The following INF2 variants were observed in gnomAD, a reference collection of about 807,000 sequenced individuals.
INF2 encodes the protein inverted formin-2.
INF2 carries 43 observed loss-of-function variants against 123.5 expected under a neutral mutation model. That is an observed-to-expected ratio of 0.35 (90% CI 0.27 to 0.45). The LOEUF (loss-of-function observed/expected upper bound fraction) is 0.45, where lower values mean the gene tolerates loss of function less well. INF2 is among the 20% of genes least tolerant of loss of function. INF2 has a pLI of 1.00. For synonymous variants in INF2, 851 were observed against 745.0 expected, an observed-to-expected ratio of 1.14 and a Z score of -2.32; for missense variants, 1,453 against 1,682.7, an observed-to-expected ratio of 0.86 and a Z score of 2.39.
chr14:104,704,210 C>G (rs1000152681), intron 5 of INF2: 1 of 1,404,120 alleles, frequency 7.1e-7, no homozygotes, highest in Non-Finnish European at 9.3e-7. Flanking sequence ...CCTTTGCACA[C>G]CGTGGATGGA....
At chr14:104,710,838 G>C in intron 13 of INF2, 99 bp from the exon 14 acceptor site, 1 of 1,008,400 alleles carries the variant, frequency 9.9e-7, no homozygotes, top group East Asian at 2.6e-5. Context: ...GAGGAGCCAG[G>C]GAGTGCAGGG....
chr14:104,687,805 C>T (rs1238028958), upstream of INF2, among the ~76,000 whole-genome samples: 1 of 152,184 alleles, frequency 6.6e-6, no homozygotes, highest in African/African-American at 2.4e-5. This position sits in a 1 kb window ranked among gnomAD's most constrained non-coding sequence, Gnocchi z 5.6. Context: ...CTCTGACTTT[C>T]CCCCAGGCAG....
chr14:104,709,402 C>A lies in INF2; in HGVS notation c.2052+19C>A. On this transcript the variant is annotated intron_variant, in intron 11 of 22. Coordinates refer to ENST00000392634, the MANE Select transcript of INF2 (RefSeq NM_022489.4). ...GCACGAGGTAAGAGGACCACCCCCA[C>A]ACCCCACCCCCAGTTAGTGCCACCA... 1 of 1,576,548 alleles carries A rather than the reference C, an allele frequency of 6.3e-7. No homozygotes were observed. Among genetic ancestry groups the A allele is most frequent in the Non-Finnish European group, 8.7e-7 (1 of 1,147,034 alleles).
upstream of INF2, chr14:104,689,587 T>TCCAGC: frequency 1.3e-5 from 11 of 851,066 alleles, no homozygotes; most frequent in Non-Finnish European, 1.5e-5. Flanking sequence ...CACCTCCTCT[T>TCCAGC]CCTCCCGCCC....
At position 104,707,847 on chromosome 14, in the gene INF2, GC is replaced by G; in HGVS notation, c.1587del (p.Val530TrpfsTer28). On this transcript the variant is annotated frameshift_variant, in exon 8 of 23. Coordinates refer to ENST00000392634, the MANE Select transcript of INF2 (RefSeq NM_022489.4). LOFTEE classifies it high-confidence loss of function. ...PPPPLLPCTC[S>X]PPVAGGMEEV... ...CCTCCACTACTGCCCTGCACCTGCA[GC>G]CCCCCCGTGGCGGGAGGCATGGAGG... 6.2e-7 allele frequency: 1 copy of G among 1,600,434 alleles called. No individual in the cohort carries two copies.
Position 104,719,033 on chromosome 14 carries a change from C to T in INF2, c.*240C>T. 1 of 948,404 alleles carries T rather than the reference C, an allele frequency of 1.1e-6. No individual in the cohort carries two copies. The highest frequency in any genetic ancestry group is 1.5e-6 in the Non-Finnish European group (1 of 674,788). The allele number at this position is 948,404 out of a possible 1,614,324, so 58.7% of individuals were successfully genotyped here. Reference sequence around the variant, plus strand: ...TCCTGGACCGCCTGCACGTGCCAGCCTCCCACCTGCTTCCTAAAGGCAACC... The same window carrying T: ...TCCTGGACCGCCTGCACGTGCCAGCTTCCCACCTGCTTCCTAAAGGCAACC... On this transcript the variant is annotated 3_prime_UTR_variant, in exon 23 of 23. Transcript: ENST00000392634.
chr14:104,693,447 G>A (rs796656958), intron 1 of INF2, among the ~76,000 whole-genome samples: 11 of 152,326 alleles, frequency 7.2e-5, no homozygotes, highest in African/African-American at 2.4e-4. Flanking sequence ...TGCAGACGAG[G>A]GCTAGTGTCA....
Position 104,713,542 on chromosome 14 carries a change from C to G in INF2, c.2976C>G (p.Gly992=). Residue 992 remains glycine (G), a synonymous_variant, in exon 20 of 23, where the codon GGC becomes GGG. Transcript: ENST00000392634. ...KGFQLRKTAR[G]RGDTDGGSKA... is the part of the protein sequence containing the mutation. ...TCCAGCTGCGGAAGACAGCCCGGGG[C>G]CGCGGGGACACCGACGGGGGCAGCA... is the stretch of plus-strand genomic sequence containing the variant. The G allele has an allele frequency of 6.2e-7, 1 of 1,611,652 alleles. No homozygotes were observed. The highest frequency in any genetic ancestry group is 8.5e-7 in the Non-Finnish European group (1 of 1,179,456).
Position 104,707,439 on chromosome 14 carries a change from C to T in INF2, c.1172C>T (p.Ala391Val). 1 of 1,569,860 alleles carries T rather than the reference C, an allele frequency of 6.4e-7. No individual in the cohort carries two copies. Among genetic ancestry groups the T allele is most frequent in the Non-Finnish European group, 8.6e-7 (1 of 1,158,538 alleles). Residue 391 changes from alanine (A) to valine (V), a missense_variant, in exon 8 of 23, where the codon GCT becomes GTT. By Grantham distance (64) the Ala-to-Val change is moderately conservative. Coordinates refer to ENST00000392634, the MANE Select transcript of INF2 (RefSeq NM_022489.4). ...GTGGAGGGCCAGCAGCCAGCAGCAG[C>T]TGCTGCCTGCGAGCCCGTGGACCAC... ...PSVEGQQPAA[A>V]AACEPVDHAQ...
chr14:104,682,029 G>C (rs1480310161), intron 1 of INF2, among the ~76,000 whole-genome samples: 1 of 152,186 alleles, frequency 6.6e-6, no homozygotes, highest in Non-Finnish European at 1.5e-5. Flanking sequence ...CCCTGGGGTG[G>C]GGGTCCCAGA....
At position 104,715,295 on chromosome 14, in the gene INF2, G is replaced by A; in HGVS notation, c.3706G>A (p.Asp1236Asn). ...TTATTTGGAAGCAGAGGTTCCCCCTGATTCTGATGATAATAAAACAAAGAA... is the reference window on the plus strand; with the variant it reads ...TTATTTGGAAGCAGAGGTTCCCCCTAATTCTGATGATAATAAAACAAAGAA... Reference protein sequence around the residue: ...PSRSQEEVPPDSDDNKTKKLC... With the variant: ...PSRSQEEVPPNSDDNKTKKLC... The change falls in exon 22 of 23, where the codon GAT (aspartate) becomes AAT (asparagine). Residue 1236 changes from aspartate (D) to asparagine (N), a missense_variant. By Grantham distance (23) the Asp-to-Asn change is conservative. Transcript: ENST00000392634. The A allele has an allele frequency of 6.2e-7, 1 of 1,613,674 alleles. No individual in the cohort carries two copies.
In INF2 at chr14:104,710,062, C is replaced by T. The variant is rs376475680; in HGVS notation, c.2139-26C>T. 8.1e-5 allele frequency: 125 copies of T among 1,536,846 alleles called. 1 individual carries two copies. In the African/African-American group the frequency reaches 1.4e-3, roughly 17 times the overall value. On this transcript the variant is annotated intron_variant, in intron 12 of 22. Coordinates refer to ENST00000392634, the MANE Select transcript of INF2 (RefSeq NM_022489.4). ...AGGGACAGGTGGGGGGTGCAGGCCA[C>T]TGATCCCTGTCTGTGCCATCCCCAG...
intron 18 of INF2, 49 bp downstream of exon 18, chr14:104,713,041 GAGGCCCCT>G (rs1426981102): frequency 1.2e-6 from 2 of 1,609,900 alleles, no homozygotes; most frequent in Non-Finnish European, 1.7e-6. Flanking sequence ...GTGGGGTCCC[GAGGCCCCT>G]GGCCTTCCTC....
At chr14:104,681,283 T>C (rs1490419313) in exon 1 of INF2, 1 of 380,296 alleles carries the variant, frequency 2.6e-6, no homozygotes, top group African/African-American at 2.1e-5. Context: ...CAATGCCCCA[T>C]GCTCACTGAA....
upstream of INF2, among the ~76,000 whole-genome samples, chr14:104,687,433 C>T (rs1888690689): frequency 6.6e-6 from 1 of 151,876 alleles, no homozygotes; most frequent in South Asian, 2.1e-4. The surrounding 1 kb of genome is among the most constrained non-coding windows in gnomAD (Gnocchi z 5.6). Flanking sequence ...TTTCCACCCT[C>T]CCAGACCTCT....
At position 104,701,772 on chromosome 14, in the gene INF2, G is replaced by A. The variant is rs1337851425; in HGVS notation, c.391+16G>A. ...CTCTCCCAGGGTGAGCCGCAGTGTG[G>A]GAGGGCCGCCCAGGCGGACGCTGGG... is the stretch of plus-strand genomic sequence containing the variant. On this transcript the variant is annotated intron_variant, in intron 2 of 22. Transcript: ENST00000392634. 6.8e-7 allele frequency: 1 copy of A among 1,479,294 alleles called. No homozygotes were observed. The highest frequency in any genetic ancestry group is 2.3e-5 in the Admixed American group (1 of 42,768). The allele number at this position is 1,479,294 out of a possible 1,614,324, so 91.6% of individuals were successfully genotyped here.
rs757174695 is a variant in INF2 at position 104,711,712 on chromosome 14, T to C, written c.2489+13T>C. ...CGCAAGCAGCAGGGTAGGTAGCTCCTGCCAGCCCGCCCACCTCAGCCAGGT... is the reference window on the plus strand; with the variant it reads ...CGCAAGCAGCAGGGTAGGTAGCTCCCGCCAGCCCGCCCACCTCAGCCAGGT... On this transcript the variant is annotated intron_variant, in intron 16 of 22. Coordinates refer to ENST00000392634, the MANE Select transcript of INF2 (RefSeq NM_022489.4). 3.6e-5 allele frequency: 58 copies of C among 1,611,172 alleles called. No individual in the cohort carries two copies. The highest frequency in any genetic ancestry group is 4.9e-5 in the Non-Finnish European group (58 of 1,179,092).
At chr14:104,705,743 C>T (rs955614152) in intron 5 of INF2, among the ~76,000 whole-genome samples, 15 of 152,224 alleles carry the variant, frequency 9.9e-5, no homozygotes, top group African/African-American at 3.6e-4. Flanking sequence ...CCTTGGTGCA[C>T]GTTACTCGAT....
Position 104,693,118 on chromosome 14 carries a change from G to A in INF2, c.-10+3379G>A, listed in dbSNP as rs533419697. Among the ~76,000 whole-genome samples, 6 of 152,366 alleles carry A rather than the reference G, an allele frequency of 3.9e-5. No individual in the cohort carries two copies. The South Asian group carries it at 8.3e-4, about 21-fold the overall frequency. On this transcript the variant is annotated intron_variant, in intron 1 of 22. Coordinates refer to ENST00000392634, the MANE Select transcript of INF2 (RefSeq NM_022489.4). ...GATCAAGGCCTTTGCAGGGTCAGAGGGACATGGGAAGATGCTGCCAAGGCC... is the reference window on the plus strand; with the variant it reads ...GATCAAGGCCTTTGCAGGGTCAGAGAGACATGGGAAGATGCTGCCAAGGCC...
Sources: allele counts gnomAD v4.1 joint callset (sites outside exome capture counted in the v4.1 genomes callset), GRCh38; gene constraint gnomAD v4.1.1; non-coding constraint Gnocchi (gnomAD v3.1); transcripts MANE v1.5; gene names NCBI Gene and HGNC (gene_info 2026-07-23, HGNC 2026-07-21).